FAM83H: variants seen among roughly 807,000 people sequenced by gnomAD.
FAM83H encodes the protein scaffolding CK1 anchoring protein H.
A neutral mutation model predicts 30.2 loss-of-function variants in FAM83H; 24 were observed. The ratio of observed to expected loss-of-function variants is 0.79; its 90% CI spans 0.57 to 1.12. The LOEUF is 1.12. Ranked by LOEUF, FAM83H falls within the 50% of genes most tolerant of loss-of-function variation. FAM83H has a pLI of 0.00. For missense variants in FAM83H, 2,038 were observed against 1,773.9 expected, an observed-to-expected ratio of 1.15 and a Z score of -2.67; for synonymous variants, 1,013 against 821.7, an observed-to-expected ratio of 1.23 and a Z score of -3.98.
At chr8:143,728,920 C>T in intron 4 of FAM83H, 47 bp downstream of exon 4, 2 of 1,612,492 alleles carry the variant, frequency 1.2e-6, no homozygotes, top group East Asian at 2.2e-5. Flanking sequence ...GCTGGGGTTA[C>T]AGGAGGAGGC....
At chr8:143,732,036 G>A in intron 1 of FAM83H, 1 of 985,442 alleles carries the variant, frequency 1.0e-6, no homozygotes, top group South Asian at 4.7e-5. Flanking sequence ...TGTTGGCCCT[G>A]GCTAGGAAGG....
chr8:143,729,407 G>A, intron 2 of FAM83H, 84 bp from the exon 3 acceptor site: 1 of 1,501,748 alleles, frequency 6.7e-7, no homozygotes, highest in Non-Finnish European at 9.2e-7. Context: ...CCCGGGAGGT[G>A]TCTGGATCAC....
chr8:143,726,610 C>T lies in FAM83H; in HGVS notation c.2851G>A (p.Ala951Thr), dbSNP rs374325568. ...ATGGGGCCGCTCGGCCCCTCCTCCG[C>T]GGGCCCGGCCTTCGGGGACTCCCCG... ...ISGESPKAGPAEEGPSGPMEV... is the reference protein window; with the variant it reads ...ISGESPKAGPTEEGPSGPMEV... The change falls in exon 5 of 5, where the codon GCG becomes ACG. Residue 951 changes from alanine (A) to threonine (T), a missense_variant. Ala to Thr is a moderately conservative substitution (Grantham distance 58). Transcript: ENST00000388913. 3 of 1,600,334 alleles carry T rather than the reference C, an allele frequency of 1.9e-6. No individual in the cohort carries two copies. Among genetic ancestry groups the T allele is most frequent in the East Asian group, 2.2e-5 (1 of 44,828 alleles).
Position 143,727,418 on chromosome 8 carries a change from C to T in FAM83H, c.2043G>A (p.Arg681=). The T allele has an allele frequency of 6.4e-7, 1 of 1,571,324 alleles. No homozygotes were observed. Among genetic ancestry groups the T allele is most frequent in the Non-Finnish European group, 8.6e-7 (1 of 1,166,472 alleles). The stretch of plus-strand genomic sequence containing the variant: ...TGCTGAAGATGAGCGAGGAGCGCAG[C>T]CTGGAGCTGCGCTGGACCAGGGGGT... ...RLNPLVQRSS[R]LRSSLIFSTS... Residue 681 remains arginine (R), a synonymous_variant, in exon 5 of 5, where the codon AGG becomes AGA. Transcript: ENST00000388913.
At position 143,726,987 on chromosome 8, in the gene FAM83H, C is replaced by A; in HGVS notation, c.2474G>T (p.Arg825Leu). 6.3e-7 allele frequency: 1 copy of A among 1,595,682 alleles called. No individual in the cohort carries two copies. The highest frequency in any genetic ancestry group is 8.5e-7 in the Non-Finnish European group (1 of 1,172,860). Residue 825 changes from arginine (R) to leucine (L), a missense_variant, in exon 5 of 5, where the codon CGG (arginine) becomes CTG (leucine). Transcript: ENST00000388913. ...GGAAGGCAGGCGGTCGGAGCCGCTC[C>A]GGCCCAGTGTGTCGAGCAGCTGCGC... ...TAAQLLDTLG[R>L]SGSDRLPSRF...
chr8:143,726,074 C>T lies in FAM83H; in HGVS notation c.3387G>A (p.Glu1129=), dbSNP rs782725307. 6.2e-7 allele frequency: 1 copy of T among 1,612,178 alleles called. No individual in the cohort carries two copies. Among genetic ancestry groups the T allele is most frequent in the Non-Finnish European group, 8.5e-7 (1 of 1,179,706 alleles). ...CCTCGAAGCGGCTGTACACGCGCTT[C>T]TCCTTGCGCATGCTCTCCATGCGGC... ...LLRRMESMRK[E]KRVYSRFEVF... is the part of the protein sequence containing the mutation. Residue 1129 remains glutamate, a synonymous_variant, in exon 5 of 5, where the codon GAG becomes GAA. Coordinates refer to ENST00000388913, the MANE Select transcript of FAM83H (RefSeq NM_198488.5).
In FAM83H at chr8:143,730,127, A is replaced by T. The variant is rs1370621681; in HGVS notation, c.447+9T>A. 1.9e-6 allele frequency: 3 copies of T among 1,540,728 alleles called. No homozygotes were observed. In the East Asian group the frequency reaches 6.9e-5, roughly 36 times the overall value. ...CTCCCCCACTACCCTCAAGCCCAAGATGGCGCACCTGCTGGGCGGAACGGA... is the reference window on the plus strand; with the variant it reads ...CTCCCCCACTACCCTCAAGCCCAAGTTGGCGCACCTGCTGGGCGGAACGGA... On this transcript the variant is annotated intron_variant, in intron 2 of 4. Transcript: ENST00000388913.
Position 143,728,340 on chromosome 8 carries a change from C to A in FAM83H, c.1121G>T (p.Arg374Leu). Residue 374 changes from arginine to leucine, a missense_variant, in exon 5 of 5, where the codon CGG becomes CTG. Arg to Leu is a moderately radical substitution (Grantham distance 102, BLOSUM62 -2). Transcript: ENST00000388913. ...GGCCTCCAGGCGCCGCGAGAGCGGC[C>A]GCAGCCCCGCGTGCGGTTCCAGCGC... ...GGALEPHAGLRPLSRRLEAEA... is the reference protein window; with the variant it reads ...GGALEPHAGLLPLSRRLEAEA... 1 of 1,499,864 alleles carries A rather than the reference C, an allele frequency of 6.7e-7. No homozygotes were observed. The highest frequency in any genetic ancestry group is 1.5e-5 in the African/African-American group (1 of 68,654). The allele number at this position is 1,499,864 out of a possible 1,614,324, so 92.9% of individuals were successfully genotyped here.
chr8:143,733,541 G>C lies in FAM83H; in HGVS notation c.-16+150C>G, dbSNP rs1355941905. The C allele has an allele frequency of 6.6e-6, 1 of 150,378 alleles. No homozygotes were observed. The highest frequency in any genetic ancestry group is 1.5e-5 in the Non-Finnish European group (1 of 67,496). 9.3% of individuals were successfully genotyped at this position (150,378 alleles called of 1,614,324 possible). A position where few individuals can be genotyped will look rare whatever the true frequency, so the allele number is the denominator to read the frequency against. On this transcript the variant is annotated intron_variant, in intron 1 of 4. Transcript: ENST00000388913. This position sits in a 1 kb window ranked among gnomAD's most constrained non-coding sequence, Gnocchi z 5.6. ...GCCCCGCCACCCCGGCCCCGCGCAC[G>C]CGGCCGCGCTCCACTCCCACCGCCC...
Position 143,726,179 on chromosome 8 carries a change from G to A in FAM83H, c.3282C>T (p.Phe1094=), listed in dbSNP as rs370482260. The A allele has an allele frequency of 1.2e-6, 2 of 1,612,334 alleles. No homozygotes were observed. The highest frequency in any genetic ancestry group is 8.5e-7 in the Non-Finnish European group (1 of 1,179,738). ...CCTGGGTCCCCAAGCTGTCCGAGCG[G>A]AAGATGGCTGAACACTTGTCCTTGT... ...MSDKDKCSAI[F]RSDSLGTQGR... is the part of the protein sequence containing the mutation. The change falls in exon 5 of 5, where the codon TTC becomes TTT. Residue 1094 remains phenylalanine (F), a synonymous_variant. Coordinates refer to ENST00000388913, the MANE Select transcript of FAM83H (RefSeq NM_198488.5).
At position 143,727,470 on chromosome 8, in the gene FAM83H, T is replaced by C; in HGVS notation, c.1991A>G (p.Lys664Arg). The C allele has an allele frequency of 3.2e-6, 5 of 1,570,618 alleles. No individual in the cohort carries two copies. The highest frequency in any genetic ancestry group is 4.3e-6 in the Non-Finnish European group (5 of 1,165,674). ...CAGGCGCGAGCGGAATGAGTCCTGC[T>C]TGGCCAGGCCAGGCTCCTCCGGGCC... The part of the protein sequence containing the change: ...REGPEEPGLA[K>R]QDSFRSRLNP... Residue 664 changes from lysine (K) to arginine (R), a missense_variant, in exon 5 of 5, where the codon AAG (lysine) becomes AGG (arginine). Transcript: ENST00000388913.
chr8:143,727,681 C>T lies in FAM83H; in HGVS notation c.1780G>A (p.Asp594Asn). ...ASYLSGCHGE[D>N]GGDDGLPAPM... ...GCCGGTAGGCCGTCGTCGCCCCCAT[C>T]CTCGCCGTGGCAGCCGCTCAAGTAG... Residue 594 changes from aspartate (D) to asparagine (N), a missense_variant, in exon 5 of 5, where the codon GAT becomes AAT. By Grantham distance (23) the Asp-to-Asn change is conservative. Coordinates refer to ENST00000388913, the MANE Select transcript of FAM83H (RefSeq NM_198488.5). The T allele has an allele frequency of 5.7e-6, 9 of 1,565,924 alleles. No homozygotes were observed. The highest frequency in any genetic ancestry group is 7.7e-6 in the Non-Finnish European group (9 of 1,163,752).
At chr8:143,731,290 G>C in intron 1 of FAM83H, 1 of 977,582 alleles carries the variant, frequency 1.0e-6, no homozygotes, top group Non-Finnish European at 1.2e-6. Flanking sequence ...GTCTCTGACT[G>C]CCTGGGAGAC....
At chr8:143,731,995 C>G in intron 1 of FAM83H, 1 of 985,446 alleles carries the variant, frequency 1.0e-6, no homozygotes, top group Non-Finnish European at 1.2e-6. Flanking sequence ...AGGCAGGACA[C>G]CTGTCCCCGC....
chr8:143,728,204 G>A lies in FAM83H; in HGVS notation c.1257C>T (p.Ala419=), dbSNP rs781991113. 11 of 1,601,244 alleles carry A rather than the reference G, an allele frequency of 6.9e-6. No homozygotes were observed. The highest frequency in any genetic ancestry group is 4.5e-5 in the East Asian group (2 of 44,550). The change falls in exon 5 of 5, where the codon GCC becomes GCT. Residue 419 remains alanine (A), a synonymous_variant. Coordinates refer to ENST00000388913, the MANE Select transcript of FAM83H (RefSeq NM_198488.5). ...RHSFATEGAG[A]VENFAAARQV... is the part of the protein sequence containing the mutation. ...GCCGCGCGGCCGCGAAGTTCTCCAC[G>A]GCGCCCGCGCCCTCGGTCGCGAAGC...
chr8:143,732,152 G>GCAGC, intron 1 of FAM83H: 1 of 985,420 alleles, frequency 1.0e-6, no homozygotes, highest in Admixed American at 6.1e-5. Context: ...GGGTCAGGAG[G>GCAGC]CAGCCGTCCT....
intron 4 of FAM83H, 75 bp from the exon 5 acceptor site, chr8:143,728,798 C>T (rs1818407947): frequency 5.0e-6 from 8 of 1,597,400 alleles, no homozygotes; most frequent in Non-Finnish European, 6.8e-6. Flanking sequence ...GCGGGTGGGG[C>T]GCGGAGGACG....
At chr8:143,732,416 G>A in intron 1 of FAM83H, 2 of 985,390 alleles carry the variant, frequency 2.0e-6, no homozygotes, top group Non-Finnish European at 2.4e-6. Flanking sequence ...ACCATTGCCA[G>A]CCTGTCTGTA....
intron 1 of FAM83H, chr8:143,731,608 T>C (rs73718149): frequency 0.029 from 28,562 of 985,442 alleles, 982 homozygotes; most frequent in African/African-American, 0.16. Context: ...CTCTTTCTTG[T>C]CACTGTCCCT....
Sources: allele counts gnomAD v4.1 joint callset, GRCh38; gene constraint gnomAD v4.1.1; non-coding constraint Gnocchi (gnomAD v3.1); transcripts MANE v1.5; gene names NCBI Gene and HGNC (gene_info 2026-07-23, HGNC 2026-07-21).